The following SHB variants were observed in gnomAD, a reference collection of about 807,000 sequenced individuals.
The protein encoded by SHB is SH2 domain containing adaptor protein B.
Under a neutral mutation model 52.3 loss-of-function variants are expected in SHB, and 20 were observed. That is an observed-to-expected ratio of 0.38 (90% CI 0.27 to 0.56). The LOEUF (loss-of-function observed/expected upper bound fraction) is 0.56. SHB is among the 20% of genes least tolerant of loss of function. SHB has a pLI of 0.71. For missense variants in SHB, 825 were observed against 723.3 expected (o/e 1.14, Z -1.61); for synonymous variants, 397 against 316.5 (o/e 1.25, Z -2.70).
At chr9:38,006,019 C>G (rs1821072257) in intron 2 of SHB, among the ~76,000 whole-genome samples, 1 of 151,256 alleles carries the variant, frequency 6.6e-6, no homozygotes, top group African/African-American at 2.5e-5. Context: ...CAAAGGTGAC[C>G]ACATCTCAAC....
intron 3 of SHB, among the ~76,000 whole-genome samples, chr9:37,965,310 G>T (rs1480399743): frequency 6.6e-6 from 1 of 152,196 alleles, no homozygotes; most frequent in Non-Finnish European, 1.5e-5. Flanking sequence ...GTGGCATCTG[G>T]ATTCATAGTC....
chr9:37,947,781 A>G (rs1400351377), intron 5 of SHB, among the ~76,000 whole-genome samples: 2 of 152,166 alleles, frequency 1.3e-5, no homozygotes, highest in Non-Finnish European at 2.9e-5. Context: ...GGCCTCTAAC[A>G]GCGGTAAGTG....
intron 1 of SHB, among the ~76,000 whole-genome samples, chr9:38,049,153 T>C (rs1414000598): frequency 6.6e-6 from 1 of 152,220 alleles, no homozygotes; most frequent in East Asian, 1.9e-4. Flanking sequence ...CCCAATTAAC[T>C]GAGACCACAG....
chr9:38,063,563 C>A (rs1821920512), intron 1 of SHB, among the ~76,000 whole-genome samples: 1 of 152,264 alleles, frequency 6.6e-6, no homozygotes, highest in Non-Finnish European at 1.5e-5. Flanking sequence ...CTGCTGAAGG[C>A]CCTCTTTGGC....
At chr9:37,987,593 C>T (rs945226900) in intron 2 of SHB, among the ~76,000 whole-genome samples, 1 of 152,254 alleles carries the variant, frequency 6.6e-6, no homozygotes, top group Non-Finnish European at 1.5e-5. Flanking sequence ...AGGCAAGTCG[C>T]TTCCTCCCTC....
chr9:37,952,142 G>A (rs1319605562), intron 4 of SHB, among the ~76,000 whole-genome samples: 1 of 151,964 alleles, frequency 6.6e-6, no homozygotes, highest in Non-Finnish European at 1.5e-5. Flanking sequence ...GAAGGGAGAG[G>A]AAGAGTCAAC....
chr9:37,925,481 C>T (rs377466362), intron 5 of SHB, among the ~76,000 whole-genome samples: 2 of 152,208 alleles, frequency 1.3e-5, no homozygotes, highest in South Asian at 4.1e-4. Context: ...GCACCAGAGC[C>T]CTCTTCCCTT....
rs554816837 is a variant in SHB at position 38,012,039 on chromosome 9, G to C, written c.838+3972C>G. Among the ~76,000 whole-genome samples, 25 of 152,270 alleles carry C rather than the reference G, an allele frequency of 1.6e-4. 3 individuals are homozygous for C. The highest frequency in any genetic ancestry group is 4.8e-4 in the African/African-American group (20 of 41,560). ...AAACTGGAGCCTGTGGAGAGGATAA[G>C]CTGAGGCATTTAGAGGGCAGGGGTG... On this transcript the variant is annotated intron_variant, in intron 2 of 5. Transcript: ENST00000377707.
chr9:38,043,205 A>G (rs1472058795), intron 1 of SHB, among the ~76,000 whole-genome samples: 1 of 152,210 alleles, frequency 6.6e-6, no homozygotes, highest in African/African-American at 2.4e-5. Context: ...TTTGCAGTGG[A>G]AGTCCTTGTG....
intron 1 of SHB, among the ~76,000 whole-genome samples, chr9:38,021,147 G>A (rs1016719617): frequency 1.3e-4 from 19 of 150,944 alleles, no homozygotes; most frequent in Non-Finnish European, 1.3e-4. Context: ...AGACCAGCCC[G>A]ACCAACGTGG....
intron 2 of SHB, among the ~76,000 whole-genome samples, chr9:38,015,091 T>C (rs1474463288): frequency 1.3e-5 from 2 of 152,162 alleles, no homozygotes; most frequent in Admixed American, 1.3e-4. Flanking sequence ...GCCCCAAACT[T>C]GCTCCCAGCC....
chr9:37,974,728 G>A lies in SHB; in HGVS notation c.948C>T (p.Val316=), dbSNP rs747038679. ...QSVDSDSEST[V]SPRLRESKLP... ...GCTTGCTCTCCCGCAGTCGGGGGCT[G>A]ACTGTGCTCTCCGAGTCTGAGTCAA... is the stretch of plus-strand genomic sequence containing the variant. The change falls in exon 3 of 6, where the codon GTC becomes GTT. Residue 316 remains valine, a synonymous_variant. Coordinates refer to ENST00000377707, the MANE Select transcript of SHB (RefSeq NM_003028.3). 6.2e-7 allele frequency: 1 copy of A among 1,614,138 alleles called. No homozygotes were observed. The highest frequency in any genetic ancestry group is 1.3e-5 in the African/African-American group (1 of 75,048).
intron 5 of SHB, among the ~76,000 whole-genome samples, chr9:37,945,255 C>CA (rs1308496802): frequency 6.6e-6 from 1 of 152,230 alleles, no homozygotes; most frequent in African/African-American, 2.4e-5. Flanking sequence ...CCCTGCCAGG[C>CA]AAGCCTTGAG....
intron 2 of SHB, among the ~76,000 whole-genome samples, chr9:37,988,264 G>A (rs534393777): frequency 3.5e-4 from 53 of 152,184 alleles, no homozygotes; most frequent in South Asian, 1.5e-3. Flanking sequence ...CTGGCTCCCC[G>A]CTCACCAGCT....
chr9:38,044,269 G>A lies in SHB; in HGVS notation c.717+23660C>T, dbSNP rs377127552. ...CCTCCCTGCACAAACCTGTCCTGGA[G>A]TCCCACTGCCTGTGGGCCAAAGGCT... is the stretch of plus-strand genomic sequence containing the variant. On this transcript the variant is annotated intron_variant, in intron 1 of 5. Coordinates refer to ENST00000377707, the MANE Select transcript of SHB (RefSeq NM_003028.3). 3.5e-4 allele frequency among the ~76,000 whole-genome samples: 54 copies of A among 152,342 alleles called. 1 individual carries two copies. In the South Asian group the frequency reaches 0.011, roughly 31 times the overall value.
chr9:38,021,858 G>A (rs985816982), intron 1 of SHB, among the ~76,000 whole-genome samples: 2 of 152,140 alleles, frequency 1.3e-5, no homozygotes, highest in South Asian at 2.1e-4. Context: ...GAATTATGAT[G>A]CAGTCAGCAC....
intron 3 of SHB, among the ~76,000 whole-genome samples, chr9:37,970,840 G>C (rs1321065707): frequency 6.6e-6 from 1 of 151,860 alleles, no homozygotes; most frequent in Non-Finnish European, 1.5e-5. Context: ...CTCCCCCTTT[G>C]GCAGGCCCAG....
chr9:38,060,275 A>C (rs576364101), intron 1 of SHB, among the ~76,000 whole-genome samples: 4 of 152,248 alleles, frequency 2.6e-5, no homozygotes, highest in East Asian at 1.9e-4. Context: ...CCCGGGTTCA[A>C]GCAATTCTCC....
At chr9:38,014,907 C>G (rs558287875) in intron 2 of SHB, among the ~76,000 whole-genome samples, 1 of 152,358 alleles carries the variant, frequency 6.6e-6, no homozygotes, top group East Asian at 1.9e-4. Context: ...GCCGCTTCCT[C>G]TCCCTTCTTT....
Sources: gnomAD v4.1 joint callset for allele counts (sites outside exome capture counted in the v4.1 genomes callset) on GRCh38, gnomAD v4.1.1 for gene constraint, MANE v1.5 for transcripts, NCBI Gene and HGNC (gene_info 2026-07-23, HGNC 2026-07-21) for gene names.